INTS9: variants seen among roughly 807,000 people sequenced by gnomAD.
INTS9 encodes integrator complex subunit 9.
INTS9 carries 55 observed loss-of-function variants against 79.7 expected under a neutral mutation model. The observed-to-expected ratio is 0.69, with a 90% CI of 0.56 to 0.86. The LOEUF is 0.86. Among genes scored for constraint, INTS9 ranks in the 40% least tolerant of loss-of-function variants. The pLI is 0.00. For synonymous variants in INTS9, 319 were observed against 325.2 expected, an observed-to-expected ratio of 0.98 and a Z score of 0.20; for missense variants, 721 against 831.5, an observed-to-expected ratio of 0.87 and a Z score of 1.64.
At chr8:28,772,396 C>G (rs953751348) in intron 14 of INTS9, among the ~76,000 whole-genome samples, 2 of 152,142 alleles carry the variant, frequency 1.3e-5, no homozygotes, top group Non-Finnish European at 2.9e-5. Flanking sequence ...TGCCTATAAT[C>G]CCAGCTACTC....
intron 11 of INTS9, 41 bp from the exon 12 acceptor site, chr8:28,781,035 C>T (rs768730845): frequency 1.9e-6 from 3 of 1,551,316 alleles, no homozygotes; most frequent in South Asian, 1.1e-5. Context: ...GTGAGCCTGC[C>T]CAGGCTGAAG....
chr8:28,878,871 T>C (rs1809543133), intron 1 of INTS9, among the ~76,000 whole-genome samples: 2 of 151,898 alleles, frequency 1.3e-5, no homozygotes, highest in East Asian at 3.9e-4. Context: ...TACCAGCTAT[T>C]CTGGAGGCTG....
At chr8:28,888,048 T>C (rs1810257393) in intron 1 of INTS9, among the ~76,000 whole-genome samples, 1 of 152,240 alleles carries the variant, frequency 6.6e-6, no homozygotes. Context: ...TTGCTCTTTA[T>C]TGAGAACACA....
At chr8:28,852,292 CTCTTTT>C (rs1807887076) in intron 2 of INTS9, among the ~76,000 whole-genome samples, 1 of 82,074 alleles carries the variant, frequency 1.2e-5, no homozygotes, top group East Asian at 3.6e-4. Context: ...ACCTGATAAA[CTCTTTT>C]TTTTTTTTTT....
chr8:28,868,959 C>T (rs753704919), intron 1 of INTS9, among the ~76,000 whole-genome samples: 2 of 151,954 alleles, frequency 1.3e-5, no homozygotes, highest in South Asian at 4.2e-4. Flanking sequence ...ATTCGCTGGG[C>T]GTGGTGGCAC....
chr8:28,812,064 C>T (rs988444634), intron 8 of INTS9, among the ~76,000 whole-genome samples: 13 of 152,174 alleles, frequency 8.5e-5, no homozygotes, highest in African/African-American at 3.1e-4. Flanking sequence ...AATGCATAAC[C>T]ATCTGTGTCC....
chr8:28,841,291 C>G (rs186955503), intron 4 of INTS9, among the ~76,000 whole-genome samples: 144 of 152,314 alleles, frequency 9.5e-4, no homozygotes, highest in Non-Finnish European at 1.7e-3. Context: ...TCCACTACCT[C>G]CCCTAGCATC....
intron 6 of INTS9, among the ~76,000 whole-genome samples, chr8:28,833,649 C>CA (rs1563283283): frequency 6.9e-6 from 1 of 144,032 alleles, no homozygotes; most frequent in African/African-American, 2.6e-5. Context: ...AAAACAAAAA[C>CA]CAAAAAAAAA....
chr8:28,771,161 G>A lies in INTS9; in HGVS notation c.1564-81C>T, dbSNP rs576254199. ...TCCTTTAATCTGTATTTACATCACT[G>A]CAGTCTAAAAAGATGAAATAACTTT... On this transcript the variant is annotated intron_variant, in intron 14 of 16. Transcript: ENST00000521022. 5 of 1,017,040 alleles carry A rather than the reference G, an allele frequency of 4.9e-6. No individual in the cohort carries two copies. In the African/African-American group the frequency reaches 6.4e-5, roughly 13 times the overall value. The allele number at this position is 1,017,040 out of a possible 1,614,324, so 63.0% of individuals were successfully genotyped here.
At chr8:28,789,206 T>G (rs1027382715) in intron 10 of INTS9, among the ~76,000 whole-genome samples, 1 of 152,210 alleles carries the variant, frequency 6.6e-6, no homozygotes. Flanking sequence ...TTATTTTGAT[T>G]GTTCCAAAGG....
rs890099928 is a variant in INTS9, at chr8:28,837,551, G to C, written c.401+86C>G. The C allele has an allele frequency of 7.1e-6, 10 of 1,413,846 alleles. No individual in the cohort carries two copies. The African/African-American group carries it at 1.0e-4, about 14-fold the overall frequency. 87.6% of individuals were successfully genotyped at this position (1,413,846 alleles called of 1,614,324 possible). A position where few individuals can be genotyped will look rare whatever the true frequency, so the allele number is the denominator to read the frequency against. Reference sequence around the variant, plus strand: ...GTTGTTCAGAAGGAACTAACCACCAGCCCTGGTATAATACTGTGATAGCGT... The same window carrying C: ...GTTGTTCAGAAGGAACTAACCACCACCCCTGGTATAATACTGTGATAGCGT... On this transcript the variant is annotated intron_variant, in intron 5 of 16. Coordinates refer to ENST00000521022, the MANE Select transcript of INTS9 (RefSeq NM_018250.4).
At chr8:28,877,795 A>G (rs770698991) in intron 1 of INTS9, among the ~76,000 whole-genome samples, 19 of 152,344 alleles carry the variant, frequency 1.2e-4, no homozygotes, top group Admixed American at 9.8e-4. Context: ...AACAAAAACC[A>G]TGCCCTAAAC....
chr8:28,808,094 T>A (rs985169063), intron 8 of INTS9, among the ~76,000 whole-genome samples: 3 of 152,170 alleles, frequency 2.0e-5, no homozygotes, highest in Non-Finnish European at 4.4e-5. Flanking sequence ...TTCCTTTAAC[T>A]CTCCATCCAT....
At chr8:28,876,027 A>G (rs942139272) in intron 1 of INTS9, among the ~76,000 whole-genome samples, 2 of 152,068 alleles carry the variant, frequency 1.3e-5, no homozygotes, top group Admixed American at 6.5e-5. Flanking sequence ...ATAAGCCACC[A>G]CTTAGGGCTC....
chr8:28,883,125 G>C (rs1585539451), intron 1 of INTS9, among the ~76,000 whole-genome samples: 1 of 152,132 alleles, frequency 6.6e-6, no homozygotes, highest in African/African-American at 2.4e-5. Context: ...CCCCTTTCTG[G>C]GGAGTATAGG....
chr8:28,793,847 C>A lies in INTS9; in HGVS notation c.997G>T (p.Ala333Ser), dbSNP rs1219252712. ...TGGGAAAACTCCAGTGAACTGTTGG[C>A]CACAGGGGAGATGAAGTAGAGGGGG... ...SVPLYFISPVANSSLEFSQIF... is the reference protein window; with the variant it reads ...SVPLYFISPVSNSSLEFSQIF... Residue 333 changes from alanine (A) to serine (S), a missense_variant, in exon 10 of 17, where the codon GCC becomes TCC. Ala to Ser is a moderately conservative substitution (Grantham distance 99). This residue lies in a region of INTS9 where 149 missense variants were observed against 223.7 expected (regional missense o/e 0.67). Transcript: ENST00000521022. 6.2e-7 allele frequency: 1 copy of A among 1,612,808 alleles called. No individual in the cohort carries two copies. Among genetic ancestry groups the A allele is most frequent in the South Asian group, 1.1e-5 (1 of 91,000 alleles).
rs1802302000 is a variant in INTS9, at chr8:28,767,901, C to G, written c.*245G>C. On this transcript the variant is annotated 3_prime_UTR_variant, in exon 17 of 17. Transcript: ENST00000521022. Reference sequence around the variant, plus strand: ...TCTCCTGTCCCACTTCTGCCACCCTCCAGCTCCTTGAGAGAGCCAGAGTTG... The same window carrying G: ...TCTCCTGTCCCACTTCTGCCACCCTGCAGCTCCTTGAGAGAGCCAGAGTTG... The G allele has an allele frequency of 1.8e-5, 9 of 495,630 alleles. No homozygotes were observed. The South Asian group carries it at 1.9e-4, about 11-fold the overall frequency. 30.7% of individuals were successfully genotyped at this position (495,630 alleles called of 1,614,324 possible).
At chr8:28,814,282 TCTCACACACACACA>T (rs1423432516) in intron 6 of INTS9, among the ~76,000 whole-genome samples, 5 of 88,084 alleles carry the variant, frequency 5.7e-5, no homozygotes, top group African/African-American at 2.5e-4. Flanking sequence ...GAACAGGGCT[TCTCACACACACACA>T]CACACACACA....
intron 6 of INTS9, among the ~76,000 whole-genome samples, chr8:28,830,571 G>A (rs529930465): frequency 6.6e-6 from 1 of 150,972 alleles, no homozygotes; most frequent in Admixed American, 6.6e-5. Context: ...GCTGCAGTGA[G>A]CTGACATCGC....
Sources: allele counts gnomAD v4.1 joint callset (sites outside exome capture counted in the v4.1 genomes callset), GRCh38; gene constraint gnomAD v4.1.1; regional missense constraint gnomAD v4.1.1; transcripts MANE v1.5; gene names NCBI Gene and HGNC (gene_info 2026-07-23, HGNC 2026-07-21).